The following METAP1 variants were observed in gnomAD, a reference collection of about 807,000 sequenced individuals.
The protein encoded by METAP1 is methionine aminopeptidase 1.
A neutral mutation model predicts 53.8 loss-of-function variants in METAP1; 28 were observed. The observed-to-expected ratio is 0.52, with a 90% CI of 0.39 to 0.71. The LOEUF (loss-of-function observed/expected upper bound fraction) is 0.71. Ranked by LOEUF, METAP1 falls within the 30% of genes least tolerant of loss-of-function variation. The pLI, the probability that METAP1 is intolerant of heterozygous loss-of-function variation, is 0.00. For missense variants in METAP1, 389 were observed against 479.8 expected, an observed-to-expected ratio of 0.81 and a Z score of 1.77; for synonymous variants, 181 against 165.7, an observed-to-expected ratio of 1.09 and a Z score of -0.71.
chr4:99,021,455 A>G (rs527980184), intron 1 of METAP1, among the ~76,000 whole-genome samples: 7 of 152,246 alleles, frequency 4.6e-5, no homozygotes, highest in East Asian at 3.9e-4. Context: ...GCCTCCCCAC[A>G]AGAGAGGGCC....
chr4:99,049,473 A>C (rs1037549792), intron 9 of METAP1, among the ~76,000 whole-genome samples: 28 of 152,178 alleles, frequency 1.8e-4, no homozygotes, highest in African/African-American at 6.5e-4. Flanking sequence ...CAGATCCTGT[A>C]ATATTTGTTT....
intron 10 of METAP1, among the ~76,000 whole-genome samples, chr4:99,059,311 A>AT (rs1215689458): frequency 3.0e-4 from 45 of 152,364 alleles, no homozygotes; most frequent in African/African-American, 9.9e-4. Flanking sequence ...AGATCACAAT[A>AT]AAATTACAGT....
rs937657881 is a variant in METAP1 at position 99,062,526 on chromosome 4, T to G, written c.*1209T>G. ...TCATTGTCATTAGAGTGTACTTGAT[T>G]ACTGGGCATCCTTGTAATATAATTT... On this transcript the variant is annotated 3_prime_UTR_variant, in exon 11 of 11. Transcript: ENST00000296411. The G allele has an allele frequency of 1.6e-4, 25 of 152,766 alleles. No individual in the cohort carries two copies. Among genetic ancestry groups the G allele is most frequent in the African/African-American group, 5.8e-4 (24 of 41,584 alleles). The allele number at this position is 152,766 out of a possible 1,614,324, so 9.5% of individuals were successfully genotyped here.
In METAP1 at chr4:98,995,805, G is replaced by A; in HGVS notation, c.52G>A (p.Ala18Thr). 1 of 1,546,734 alleles carries A rather than the reference G, an allele frequency of 6.5e-7. No homozygotes were observed. The highest frequency in any genetic ancestry group is 8.7e-7 in the Non-Finnish European group (1 of 1,144,764). ...CGAGACAGACGGCTGCAGCAGTGAG[G>A]CCAAGCTCCAGTGTCCCACTTGCAT... ...VCETDGCSSE[A>T]KLQCPTCIKL... Residue 18 changes from alanine (A) to threonine (T), a missense_variant, in exon 1 of 11, where the codon GCC becomes ACC. By Grantham distance (58) the Ala-to-Thr change is moderately conservative. Transcript: ENST00000296411.
intron 1 of METAP1, among the ~76,000 whole-genome samples, chr4:98,998,210 G>C (rs1722730723): frequency 1.3e-5 from 2 of 152,106 alleles, no homozygotes; most frequent in African/African-American, 4.8e-5. Context: ...TATTCTAAGC[G>C]CTTTATACAT....
In METAP1 at chr4:99,022,106, T is replaced by C. The variant is rs542483182; in HGVS notation, c.115-6761T>C. 8.5e-5 allele frequency among the ~76,000 whole-genome samples: 13 copies of C among 152,298 alleles called. No individual in the cohort carries two copies. The South Asian group carries it at 2.7e-3, about 32-fold the overall frequency. On this transcript the variant is annotated intron_variant, in intron 1 of 10. Transcript: ENST00000296411. ...TATGCAGTAGTCATAATCATGCTAG[T>C]ATGACAGTATGAATTAGCCAGGCAT...
intron 8 of METAP1, 143 bp downstream of exon 8, chr4:99,045,453 G>T: frequency 1.2e-6 from 1 of 812,208 alleles, no homozygotes; most frequent in Non-Finnish European, 1.8e-6. Flanking sequence ...TAGCAGTAAT[G>T]GGTAAAAGGA....
chr4:99,007,887 C>G (rs376343584), intron 1 of METAP1, among the ~76,000 whole-genome samples: 4 of 152,214 alleles, frequency 2.6e-5, no homozygotes, highest in Admixed American at 6.5e-5. Flanking sequence ...TGCAATCAGT[C>G]TTGTTTCTAA....
At chr4:98,999,697 G>C (rs1002390285) in intron 1 of METAP1, among the ~76,000 whole-genome samples, 3 of 150,968 alleles carry the variant, frequency 2.0e-5, no homozygotes, top group African/African-American at 7.3e-5. Context: ...ATTTTTAGTA[G>C]AGACGGGCTT....
At chr4:99,025,555 A>G (rs1174567134) in intron 1 of METAP1, 1 of 842,170 alleles carries the variant, frequency 1.2e-6, no homozygotes, top group Non-Finnish European at 1.4e-6. Context: ...ACAGGATTTT[A>G]ATGAGGAGCC....
rs564088896 is a variant in METAP1, at chr4:99,039,225, A to T, written c.341-149A>T. ...TTTGATGTTGAAAATGTTTTTTTTT[A>T]AAAATCTAACCTAGACCATCCCAAA... On this transcript the variant is annotated intron_variant, in intron 4 of 10. Coordinates refer to ENST00000296411, the MANE Select transcript of METAP1 (RefSeq NM_015143.3). 794 of 448,368 alleles carry T rather than the reference A, an allele frequency of 1.8e-3. 4 individuals are homozygous for T. The highest frequency in any genetic ancestry group is 0.011 in the African/African-American group (548 of 49,078). The allele number at this position is 448,368 out of a possible 1,614,324, so 27.8% of individuals were successfully genotyped here. A position where few individuals can be genotyped will look rare whatever the true frequency, so the allele number is the denominator to read the frequency against.
intron 1 of METAP1, among the ~76,000 whole-genome samples, chr4:99,018,690 T>C (rs1395208272): frequency 1.3e-5 from 2 of 152,220 alleles, no homozygotes; most frequent in African/African-American, 4.8e-5. Flanking sequence ...ATTTCATTTA[T>C]AGCTCTGAGA....
At chr4:98,997,228 T>G (rs1329254424) in intron 1 of METAP1, among the ~76,000 whole-genome samples, 1 of 152,244 alleles carries the variant, frequency 6.6e-6, no homozygotes, top group Non-Finnish European at 1.5e-5. Flanking sequence ...AATACAATCT[T>G]TACGTCACAA....
At chr4:98,998,518 G>A (rs1036611430) in intron 1 of METAP1, among the ~76,000 whole-genome samples, 1 of 151,916 alleles carries the variant, frequency 6.6e-6, no homozygotes, top group African/African-American at 2.4e-5. Flanking sequence ...GCAAGACTCC[G>A]TCTCAAGAAA....
intron 1 of METAP1, among the ~76,000 whole-genome samples, chr4:99,004,484 TACACACACACACACACAC>T (rs145601239): frequency 1.3e-5 from 1 of 75,384 alleles, no homozygotes; most frequent in African/African-American, 3.4e-5. Flanking sequence ...CACACACACA[TACACACACACACACACAC>T]ACACACACAC....
At chr4:99,060,761 T>A (rs751763059) in intron 10 of METAP1, among the ~76,000 whole-genome samples, 1 of 152,182 alleles carries the variant, frequency 6.6e-6, no homozygotes, top group Admixed American at 6.5e-5. Flanking sequence ...TTTTAAAAAA[T>A]TTCCTGTTTT....
At chr4:99,060,360 CTTTTTTTTTT>C (rs35135230) in intron 10 of METAP1, among the ~76,000 whole-genome samples, 5 of 103,648 alleles carry the variant, frequency 4.8e-5, no homozygotes, top group African/African-American at 1.8e-4. Flanking sequence ...TAAGCACATG[CTTTTTTTTTT>C]TTTTTTTTTT....
intron 1 of METAP1, among the ~76,000 whole-genome samples, chr4:99,024,505 CA>C (rs1724412106): frequency 6.6e-6 from 1 of 152,094 alleles, no homozygotes. Context: ...CATAGAGAGT[CA>C]AAGCTGTCCT....
rs1427553410 is a variant in METAP1, at chr4:98,995,925, C to A, written c.114+58C>A. 4 of 1,357,212 alleles carry A rather than the reference C, an allele frequency of 2.9e-6. No homozygotes were observed. The African/African-American group carries it at 5.9e-5, about 20-fold the overall frequency. The allele number at this position is 1,357,212 out of a possible 1,614,324, so 84.1% of individuals were successfully genotyped here. On this transcript the variant is annotated intron_variant, in intron 1 of 10. Transcript: ENST00000296411. The stretch of plus-strand genomic sequence containing the variant: ...GCTGCGGGACCCCTCCTCGCTTCTC[C>A]CCTGCTGGCTCCTCCCGCCCTTGCG...
Sources: gnomAD v4.1 joint callset for allele counts (sites outside exome capture counted in the v4.1 genomes callset) on GRCh38, gnomAD v4.1.1 for gene constraint, MANE v1.5 for transcripts, NCBI Gene and HGNC (gene_info 2026-07-23, HGNC 2026-07-21) for gene names.